PDE1C: variants seen among roughly 807,000 people sequenced by gnomAD.
PDE1C encodes the protein phosphodiesterase 1C.
PDE1C carries 62 observed loss-of-function variants against 93.1 expected under a neutral mutation model. That is an observed-to-expected ratio of 0.67 (90% CI 0.54 to 0.82). The LOEUF is 0.82. PDE1C is among the 40% of genes least tolerant of loss of function. The pLI, the probability that PDE1C is intolerant of heterozygous loss-of-function variation, is 0.00. For synonymous variants in PDE1C, 325 were observed against 310.1 expected (o/e 1.05, Z -0.50); for missense variants, 742 against 884.6 (o/e 0.84, Z 2.04).
chr7:32,298,727 G>T (rs764631278), exon 1 of PDE1C: 7 of 1,597,208 alleles, frequency 4.4e-6, no homozygotes, highest in Non-Finnish European at 5.1e-6. Context: ...TGTTGCCGGC[G>T]TCCGTCATGG....
At chr7:32,240,021 C>T (rs1295401399) in intron 1 of PDE1C, among the ~76,000 whole-genome samples, 1 of 152,174 alleles carries the variant, frequency 6.6e-6, no homozygotes, top group Non-Finnish European at 1.5e-5. Context: ...GGCCCCCTGC[C>T]ACCCCATGTA....
intron 11 of PDE1C, among the ~76,000 whole-genome samples, chr7:31,833,619 A>C (rs1790699300): frequency 6.6e-6 from 1 of 152,220 alleles, no homozygotes; most frequent in African/African-American, 2.4e-5. Flanking sequence ...TGTTTTAGCA[A>C]AGAGACTGGC....
At chr7:32,087,622 C>T (rs1797185222) in intron 3 of PDE1C, among the ~76,000 whole-genome samples, 1 of 152,118 alleles carries the variant, frequency 6.6e-6, no homozygotes, top group African/African-American at 2.4e-5. Flanking sequence ...CCATGGTAGA[C>T]TGGATTAAGA....
chr7:31,893,608 G>T, intron 2 of PDE1C: 1 of 502,090 alleles, frequency 2.0e-6, no homozygotes, highest in Non-Finnish European at 2.6e-6. Flanking sequence ...GCTTGATATC[G>T]CTCAGGTAGT....
At chr7:32,025,505 C>T (rs1789294306) in intron 2 of PDE1C, among the ~76,000 whole-genome samples, 1 of 152,094 alleles carries the variant, frequency 6.6e-6, no homozygotes, top group African/African-American at 2.4e-5. Flanking sequence ...AAGCTGATCC[C>T]AGCAAGGCTG....
intron 2 of PDE1C, among the ~76,000 whole-genome samples, chr7:31,959,959 G>A (rs1033798358): frequency 6.6e-6 from 1 of 151,660 alleles, no homozygotes; most frequent in Admixed American, 6.6e-5. Context: ...TCTGCCTCCC[G>A]GGTTCAAGCA....
At chr7:31,980,619 G>A (rs1362090163) in intron 2 of PDE1C, among the ~76,000 whole-genome samples, 1 of 152,168 alleles carries the variant, frequency 6.6e-6, no homozygotes, top group Non-Finnish European at 1.5e-5. Flanking sequence ...TCCTGTTGCT[G>A]CCTTAACAAA....
the PDE1C span, among the ~76,000 whole-genome samples, chr7:31,628,657 C>T: frequency 6.6e-6 from 1 of 151,920 alleles, no homozygotes; most frequent in Non-Finnish European, 1.5e-5. Context: ...AGGGTTTCAC[C>T]GTGTTAGCCA....
intron 16 of PDE1C, chr7:31,785,738 A>G (rs1359626139): frequency 6.6e-6 from 1 of 152,158 alleles, no homozygotes; most frequent in East Asian, 1.9e-4. Context: ...TCATGATCAG[A>G]TAAACTGTCT....
intron 2 of PDE1C, among the ~76,000 whole-genome samples, chr7:31,980,721 A>C (rs1812268673): frequency 1.3e-5 from 2 of 152,212 alleles, no homozygotes; most frequent in Admixed American, 1.3e-4. Context: ...GCTACAATCA[A>C]GATGTCTACA....
chr7:31,855,251 G>A (rs2128811675), intron 7 of PDE1C, among the ~76,000 whole-genome samples: 1 of 152,070 alleles, frequency 6.6e-6, no homozygotes, highest in East Asian at 1.9e-4. Flanking sequence ...CAGGGCATTG[G>A]CAGAATTCAT....
chr7:31,761,745 T>C (rs970512176), intron 17 of PDE1C, among the ~76,000 whole-genome samples: 1 of 152,206 alleles, frequency 6.6e-6, no homozygotes, highest in African/African-American at 2.4e-5. Context: ...CAGATAATTT[T>C]ACTGTACTGG....
intron 3 of PDE1C, among the ~76,000 whole-genome samples, chr7:32,109,580 A>G (rs1798532956): frequency 6.6e-6 from 1 of 152,144 alleles, no homozygotes; most frequent in African/African-American, 2.4e-5. Flanking sequence ...CAGTCATGAC[A>G]ACCCAAAATG....
At chr7:31,982,427 T>G (rs767803004) in intron 2 of PDE1C, among the ~76,000 whole-genome samples, 15 of 152,310 alleles carry the variant, frequency 9.8e-5, no homozygotes, top group Middle Eastern at 6.8e-3. Flanking sequence ...GGCATGACAG[T>G]AAACTCTCAA....
At chr7:31,997,109 TAAC>T (rs1421125385) in intron 2 of PDE1C, among the ~76,000 whole-genome samples, 1 of 152,208 alleles carries the variant, frequency 6.6e-6, no homozygotes, top group African/African-American at 2.4e-5. Context: ...AAACATTAAA[TAAC>T]AACAAACAGT....
chr7:32,204,339 G>C (rs1805254231), intron 2 of PDE1C, among the ~76,000 whole-genome samples: 2 of 152,322 alleles, frequency 1.3e-5, no homozygotes, highest in South Asian at 2.1e-4. Context: ...TGAAACCGCA[G>C]ATAAGGGAGG....
At chr7:32,196,523 CT>C (rs1327762665) in intron 2 of PDE1C, among the ~76,000 whole-genome samples, 1 of 78,920 alleles carries the variant, frequency 1.3e-5, no homozygotes, top group East Asian at 3.4e-4. Context: ...ACTCTGTCTT[CT>C]TCTTTTTGCC....
chr7:32,281,557 G>A (rs1413625133), intron 1 of PDE1C, among the ~76,000 whole-genome samples: 2 of 152,120 alleles, frequency 1.3e-5, no homozygotes, highest in East Asian at 1.9e-4. Context: ...TACACTCTGG[G>A]CGACAGAGTG....
intron 1 of PDE1C, among the ~76,000 whole-genome samples, chr7:32,216,275 C>A (rs1203720824): frequency 1.3e-5 from 2 of 152,196 alleles, no homozygotes; most frequent in South Asian, 4.1e-4. Context: ...CAGGTCCCAA[C>A]TGCCCCCTTC....
Sources: gnomAD v4.1 joint callset for allele counts (sites outside exome capture counted in the v4.1 genomes callset) on GRCh38, gnomAD v4.1.1 for gene constraint, MANE v1.5 for transcripts, NCBI Gene and HGNC (gene_info 2026-07-23, HGNC 2026-07-21) for gene names.